Variants in TDRD15 observed in about 807,000 individuals in gnomAD.
The protein encoded by TDRD15 is tudor domain containing 15.
For missense variants in TDRD15, 1,416 were observed against 904.7 expected (o/e 1.57, Z -7.25); for synonymous variants, 503 against 314.5 (o/e 1.60, Z -6.34).
intron 2 of TDRD15, among the ~76,000 whole-genome samples, chr2:21,130,194 T>A (rs1430440238): frequency 6.6e-6 from 1 of 152,226 alleles, no homozygotes; most frequent in Non-Finnish European, 1.5e-5. Context: ...TATTTCAAAA[T>A]TTTTAAGGAA....
In TDRD15 at chr2:21,141,858, A is replaced by T; in HGVS notation, c.4391A>T (p.Asn1464Ile). The T allele has an allele frequency of 1.4e-6, 1 of 715,410 alleles. No individual in the cohort carries two copies. Among genetic ancestry groups the T allele is most frequent in the Non-Finnish European group, 2.6e-6 (1 of 383,696 alleles). 44.3% of individuals were successfully genotyped at this position (715,410 alleles called of 1,614,324 possible). Residue 1464 changes from asparagine (N) to isoleucine (I), a missense_variant, in exon 4 of 4, where the codon AAT becomes ATT. Physicochemically the swap from Asn to Ile is moderately radical, Grantham distance 149 (BLOSUM62 -3). Coordinates refer to ENST00000405799, the MANE Select transcript of TDRD15 (RefSeq NM_001306137.2). Reference protein sequence around the residue: ...NMICDEKCVINELLKWKACSK... With the variant: ...NMICDEKCVIIELLKWKACSK... ...ATTTGTGATGAAAAATGTGTCATTA[A>T]TGAACTACTGAAATGGAAAGCATGT...
chr2:21,131,596 C>T (rs1007007852), intron 2 of TDRD15, among the ~76,000 whole-genome samples: 4 of 152,114 alleles, frequency 2.6e-5, no homozygotes, highest in African/African-American at 9.7e-5. Context: ...TAGCCTATTG[C>T]AACACATTGA....
At chr2:21,130,579 G>A (rs1291892338) in intron 2 of TDRD15, among the ~76,000 whole-genome samples, 3 of 152,128 alleles carry the variant, frequency 2.0e-5, no homozygotes, top group African/African-American at 4.8e-5. Context: ...GTGTGAGGTC[G>A]GGGTCTGACT....
chr2:21,140,467 G>C lies in TDRD15; in HGVS notation c.3000G>C (p.Glu1000Asp). The change falls in exon 4 of 4, where the codon GAG (glutamate) becomes GAC (aspartate). Residue 1000 changes from glutamate to aspartate, a missense_variant. Glu to Asp is a conservative substitution (Grantham distance 45). Coordinates refer to ENST00000405799, the MANE Select transcript of TDRD15 (RefSeq NM_001306137.2). ...DLEMIETKIT[E>D]SVNLQNFPKY... is the part of the protein sequence containing the mutation. ...AGATGATAGAAACAAAAATCACAGA[G>C]AGTGTTAACCTCCAAAATTTTCCAA... 1.4e-6 allele frequency: 1 copy of C among 697,684 alleles called. No homozygotes were observed. Among genetic ancestry groups the C allele is most frequent in the Non-Finnish European group, 2.6e-6 (1 of 379,200 alleles). The allele number at this position is 697,684 out of a possible 1,614,324, so 43.2% of individuals were successfully genotyped here.
chr2:21,131,238 A>G (rs563124605), intron 2 of TDRD15, among the ~76,000 whole-genome samples: 25 of 152,300 alleles, frequency 1.6e-4, no homozygotes, highest in African/African-American at 5.3e-4. Flanking sequence ...GATACCAATC[A>G]GTTTTGTTTG....
Position 21,125,492 on chromosome 2 carries a change from C to T in TDRD15, c.-201+1446C>T, listed in dbSNP as rs911505220. On this transcript the variant is annotated intron_variant, in intron 1 of 3. Transcript: ENST00000405799. ...ATGCCAAGTTGTGTGTGAGTTGTTGCGTGTGTGTGTGTGCGTGAGAGAGAG... is the reference window on the plus strand; with the variant it reads ...ATGCCAAGTTGTGTGTGAGTTGTTGTGTGTGTGTGTGTGCGTGAGAGAGAG... 3.4e-5 allele frequency among the ~76,000 whole-genome samples: 5 copies of T among 148,116 alleles called. No individual in the cohort carries two copies. The Middle Eastern group carries it at 0.011, about 313-fold the overall frequency.
At chr2:21,125,276 G>C (rs78179916) in intron 1 of TDRD15, among the ~76,000 whole-genome samples, 2 of 74,502 alleles carry the variant, frequency 2.7e-5, no homozygotes, top group East Asian at 9.8e-4. Context: ...TCTAGCGTCT[G>C]TGTGTGAGAG....
chr2:21,133,413 T>G (rs1277061247), intron 2 of TDRD15, among the ~76,000 whole-genome samples: 2 of 152,186 alleles, frequency 1.3e-5, no homozygotes, highest in African/African-American at 2.4e-5. Flanking sequence ...CATTTTTATT[T>G]TGGCTCTTGT....
At position 21,143,108 on chromosome 2, in the gene TDRD15, C is replaced by T. The variant is rs866640176; in HGVS notation, c.5641C>T (p.Gln1881Ter). The change falls in exon 4 of 4, where the codon CAG becomes TAG. Residue 1881 changes from glutamine (Q) to a stop codon, truncating the protein, a stop_gained. Transcript: ENST00000405799. LOFTEE classifies it low-confidence loss of function (END_TRUNC). ...CCTAAGTAAACCAGACTTAGTTTTTCAGTTTAGGGAATATCATTCTGAAAC... is the reference window on the plus strand; with the variant it reads ...CCTAAGTAAACCAGACTTAGTTTTTTAGTTTAGGGAATATCATTCTGAAAC... ...DFLSKPDLVFQFREYHSETKL... is the reference protein window; with the variant it reads ...DFLSKPDLVF 1 of 695,386 alleles carries T rather than the reference C, an allele frequency of 1.4e-6. No individual in the cohort carries two copies. The highest frequency in any genetic ancestry group is 1.6e-5 in the South Asian group (1 of 62,640). The allele number at this position is 695,386 out of a possible 1,614,324, so 43.1% of individuals were successfully genotyped here.
rs763763106 is a variant in TDRD15 at position 21,142,860 on chromosome 2, A to C, written c.5393A>C (p.Asn1798Thr). ...LFKYKSEDQW[N>T]RVEISEVSPQ... ...AAATATAAATCGGAAGATCAGTGGA[A>C]TAGAGTAGAAATTTCTGAAGTCTCA... Residue 1798 changes from asparagine (N) to threonine (T), a missense_variant, in exon 4 of 4, where the codon AAT (asparagine) becomes ACT (threonine). Asn to Thr is a moderately conservative substitution (Grantham distance 65, BLOSUM62 0). Transcript: ENST00000405799. 2.1e-5 allele frequency: 15 copies of C among 711,032 alleles called. No homozygotes were observed. The highest frequency in any genetic ancestry group is 3.5e-5 in the African/African-American group (2 of 56,782). The allele number at this position is 711,032 out of a possible 1,614,324, so 44.0% of individuals were successfully genotyped here.
Position 21,141,860 on chromosome 2 carries a change from GA to G in TDRD15, c.4395del (p.Glu1465AspfsTer3), listed in dbSNP as rs1401862720. On this transcript the variant is annotated frameshift_variant, in exon 4 of 4. Coordinates refer to ENST00000405799, the MANE Select transcript of TDRD15 (RefSeq NM_001306137.2). LOFTEE classifies it low-confidence loss of function (END_TRUNC). The part of the protein sequence containing the change: ...MICDEKCVIN[E>X]LLKWKACSKL... ...TTGTGATGAAAAATGTGTCATTAAT[GA>G]ACTACTGAAATGGAAAGCATGTTCA... 1.4e-6 allele frequency: 1 copy of G among 715,288 alleles called. No homozygotes were observed. The highest frequency in any genetic ancestry group is 2.6e-6 in the Non-Finnish European group (1 of 383,652). 44.3% of individuals were successfully genotyped at this position (715,288 alleles called of 1,614,324 possible).
rs1156358028 is a variant in TDRD15 at position 21,140,744 on chromosome 2, G to T, written c.3277G>T (p.Glu1093Ter). 2.8e-6 allele frequency: 2 copies of T among 714,136 alleles called. No individual in the cohort carries two copies. The highest frequency in any genetic ancestry group is 5.4e-5 in the East Asian group (2 of 37,208). 44.2% of individuals were successfully genotyped at this position (714,136 alleles called of 1,614,324 possible). Reference sequence around the variant, plus strand: ...TCTTAGGGATGTAGATATTCCAGCAGAAATCAGTAGTTGGTTTAAAGACAA... The same window carrying T: ...TCTTAGGGATGTAGATATTCCAGCATAAATCAGTAGTTGGTTTAAAGACAA... The part of the protein sequence containing the change: ...SDLRDVDIPA[E>*]ISSWFKDNFL... The change falls in exon 4 of 4, where the codon GAA becomes TAA. Residue 1093 changes from glutamate (E) to a stop codon, truncating the protein, a stop_gained. Coordinates refer to ENST00000405799, the MANE Select transcript of TDRD15 (RefSeq NM_001306137.2). LOFTEE classifies it low-confidence loss of function (END_TRUNC).
chr2:21,130,380 A>G (rs1284421382), intron 2 of TDRD15, among the ~76,000 whole-genome samples: 1 of 152,206 alleles, frequency 6.6e-6, no homozygotes, highest in Non-Finnish European at 1.5e-5. Flanking sequence ...CTGACTTACC[A>G]TGATTCAACT....
rs755516070 is a variant in TDRD15 at position 21,139,543 on chromosome 2, T to C, written c.2076T>C (p.Ile692=). 1.4e-6 allele frequency: 1 copy of C among 702,368 alleles called. No individual in the cohort carries two copies. The highest frequency in any genetic ancestry group is 1.8e-5 in the African/African-American group (1 of 56,010). The allele number at this position is 702,368 out of a possible 1,614,324, so 43.5% of individuals were successfully genotyped here. Residue 692 remains isoleucine (I), a synonymous_variant, in exon 4 of 4, where the codon ATT becomes ATC. Coordinates refer to ENST00000405799, the MANE Select transcript of TDRD15 (RefSeq NM_001306137.2). ...CAGAATCTAAAAACAAAGTTAATAT[T>C]AAAAAAGTCATATCTGCCCTTCTTG... is the stretch of plus-strand genomic sequence containing the variant. The part of the protein sequence containing the change: ...LNSESKNKVN[I]KKVISALLEG...
At chr2:21,137,164 GT>G (rs1274232003) in intron 3 of TDRD15, among the ~76,000 whole-genome samples, 1 of 151,972 alleles carries the variant, frequency 6.6e-6, no homozygotes, top group African/African-American at 2.4e-5. Flanking sequence ...GCTGGAATTT[GT>G]TAAAGTTTCT....
At chr2:21,134,629 A>G (rs923895739) in intron 2 of TDRD15, 133 bp from the exon 3 acceptor site, 5 of 152,078 alleles carry the variant, frequency 3.3e-5, no homozygotes, top group Non-Finnish European at 5.9e-5. Context: ...TGAAATTGTT[A>G]GAACACTAAT....
intron 3 of TDRD15, among the ~76,000 whole-genome samples, chr2:21,135,370 T>G (rs1665789216): frequency 6.6e-6 from 1 of 151,772 alleles, no homozygotes; most frequent in Non-Finnish European, 1.5e-5. Context: ...AGAGTTTGAC[T>G]GACATCCACA....
intron 1 of TDRD15, among the ~76,000 whole-genome samples, chr2:21,126,444 G>A (rs1305195727): frequency 6.6e-6 from 1 of 151,446 alleles, no homozygotes; most frequent in East Asian, 1.9e-4. Flanking sequence ...TCGTCTCGCC[G>A]CAATCTCTGC....
chr2:21,139,252 C>T lies in TDRD15; in HGVS notation c.1785C>T (p.Cys595=). 1 of 715,376 alleles carries T rather than the reference C, an allele frequency of 1.4e-6. No homozygotes were observed. Among genetic ancestry groups the T allele is most frequent in the South Asian group, 1.5e-5 (1 of 67,204 alleles). The allele number at this position is 715,376 out of a possible 1,614,324, so 44.3% of individuals were successfully genotyped here. ...EFCELPALAM[C]CSLAHIFPVE... ...GTGAGTTGCCTGCCTTAGCGATGTG[C>T]TGTTCACTTGCACATATATTTCCTG... The change falls in exon 4 of 4, where the codon TGC becomes TGT. Residue 595 remains cysteine (C), a synonymous_variant. Transcript: ENST00000405799.
Sources: allele counts gnomAD v4.1 joint callset (sites outside exome capture counted in the v4.1 genomes callset), GRCh38; gene constraint gnomAD v4.1.1; transcripts MANE v1.5; gene names NCBI Gene and HGNC (gene_info 2026-07-23, HGNC 2026-07-21).